Variants in DOCK3 observed in about 807,000 individuals in gnomAD.
DOCK3 encodes the protein dedicator of cytokinesis protein 3.
In DOCK3, 60 loss-of-function variants were observed where a neutral mutation model predicts 265.6. That is an observed-to-expected ratio of 0.23 (90% CI 0.18 to 0.28). The LOEUF (loss-of-function observed/expected upper bound fraction) is 0.28. DOCK3 is among the 10% of genes least tolerant of loss of function. The pLI is 1.00. For synonymous variants in DOCK3, 881 were observed against 938.0 expected, an observed-to-expected ratio of 0.94 and a Z score of 1.11; for missense variants, 1,981 against 2,594.3, an observed-to-expected ratio of 0.76 and a Z score of 5.14.
At chr3:50,919,534 C>T (rs112114973) in intron 4 of DOCK3, among the ~76,000 whole-genome samples, 1 of 152,100 alleles carries the variant, frequency 6.6e-6, no homozygotes, top group Non-Finnish European at 1.5e-5. Context: ...TGGGAGTTCA[C>T]TCATGATTTG....
chr3:51,197,520 T>A (rs1005537718), intron 12 of DOCK3, among the ~76,000 whole-genome samples: 2 of 152,098 alleles, frequency 1.3e-5, no homozygotes, highest in East Asian at 3.9e-4. Context: ...AGATGCCAGA[T>A]GAAGTGATAG....
At chr3:51,335,911 T>C (rs2084826048) in intron 35 of DOCK3, among the ~76,000 whole-genome samples, 1 of 151,266 alleles carries the variant, frequency 6.6e-6, no homozygotes, top group South Asian at 2.1e-4. Context: ...CGAATCACTT[T>C]AGCCGGGGAG....
At chr3:50,839,031 TG>T (rs965334804) in intron 2 of DOCK3, among the ~76,000 whole-genome samples, 2 of 152,212 alleles carry the variant, frequency 1.3e-5, no homozygotes, top group African/African-American at 4.8e-5. Flanking sequence ...TTGTCAGGGC[TG>T]GGGCAAGAGG....
chr3:50,913,073 A>G (rs561766482), intron 4 of DOCK3, among the ~76,000 whole-genome samples: 1 of 152,208 alleles, frequency 6.6e-6, no homozygotes, highest in East Asian at 1.9e-4. Context: ...ACCTGAAGGC[A>G]GCAGGTCTCA....
chr3:51,193,873 C>T (rs1464367560), intron 12 of DOCK3, among the ~76,000 whole-genome samples: 3 of 145,548 alleles, frequency 2.1e-5, no homozygotes, highest in African/African-American at 7.6e-5. Flanking sequence ...GAAGAACCAG[C>T]TTTTCTTTTT....
chr3:51,228,208 G>A (rs2090409813), intron 17 of DOCK3, 120 bp downstream of exon 17: 12 of 886,898 alleles, frequency 1.4e-5, no homozygotes, highest in Non-Finnish European at 2.1e-5. Flanking sequence ...AAGTGCACTG[G>A]TGGGTGACAG....
chr3:51,215,341 A>G (rs2089723127), intron 14 of DOCK3, among the ~76,000 whole-genome samples: 1 of 152,124 alleles, frequency 6.6e-6, no homozygotes, highest in African/African-American at 2.4e-5. Context: ...CCTGACCTCA[A>G]GTGATCCAGT....
intron 9 of DOCK3, among the ~76,000 whole-genome samples, chr3:51,101,137 G>A (rs1239819937): frequency 2.5e-5 from 3 of 117,806 alleles, no homozygotes; most frequent in African/African-American, 6.7e-5. Flanking sequence ...TTTTTGAGAC[G>A]GAGTCTCACT....
chr3:51,224,629 C>T (rs1463499699), intron 14 of DOCK3, among the ~76,000 whole-genome samples: 1 of 152,002 alleles, frequency 6.6e-6, no homozygotes, highest in African/African-American at 2.4e-5. Flanking sequence ...GTTTCATTAC[C>T]TCTCATTTGG....
At chr3:51,089,152 G>A (rs2082539019) in intron 7 of DOCK3, 91 bp from the exon 8 acceptor site, 2 of 1,262,234 alleles carry the variant, frequency 1.6e-6, no homozygotes, top group Non-Finnish European at 2.2e-6. Flanking sequence ...GAATATAAAA[G>A]GCATAGCAGA....
intron 5 of DOCK3, among the ~76,000 whole-genome samples, chr3:50,988,716 C>T (rs1320533048): frequency 1.3e-5 from 2 of 152,154 alleles, no homozygotes; most frequent in Non-Finnish European, 2.9e-5. Context: ...CCTCCAGGTA[C>T]TGGAAAATCC....
At chr3:50,983,204 C>T (rs976572671) in intron 5 of DOCK3, among the ~76,000 whole-genome samples, 7 of 152,078 alleles carry the variant, frequency 4.6e-5, no homozygotes, top group Non-Finnish European at 8.8e-5. Flanking sequence ...GGGCTGAGGG[C>T]GGCTCTGGTG....
chr3:51,264,861 T>TAAATAAATAAATAAA (rs1366976951), intron 23 of DOCK3, among the ~76,000 whole-genome samples: 2 of 150,844 alleles, frequency 1.3e-5, no homozygotes, highest in Admixed American at 6.6e-5. Context: ...AATAAATAAC[T>TAAATAAATAAATAAA]TAGATCAGAA....
chr3:51,180,168 A>T (rs2087198716), intron 12 of DOCK3, among the ~76,000 whole-genome samples: 1 of 144,494 alleles, frequency 6.9e-6, no homozygotes, highest in Admixed American at 7.3e-5. Flanking sequence ...AGATCACGCC[A>T]CTGTGCTCCA....
chr3:51,167,194 C>G (rs2086448903), intron 12 of DOCK3, among the ~76,000 whole-genome samples: 2 of 152,184 alleles, frequency 1.3e-5, no homozygotes, highest in South Asian at 4.1e-4. Flanking sequence ...GTTTTCCCAG[C>G]ATCACTTATT....
intron 9 of DOCK3, among the ~76,000 whole-genome samples, chr3:51,102,192 T>G (rs551228336): frequency 6.6e-6 from 1 of 152,322 alleles, no homozygotes; most frequent in South Asian, 2.1e-4. Flanking sequence ...GGTGTTTCTG[T>G]CAGAGCCAGA....
Position 51,355,043 on chromosome 3 carries a change from G to A in DOCK3, c.4249+20G>A, listed in dbSNP as rs1373757042. On this transcript the variant is annotated intron_variant, in intron 41 of 52. Coordinates refer to ENST00000266037, the MANE Select transcript of DOCK3 (RefSeq NM_004947.5). ...CCCAGTGTATCCTTTGATACTGGGT[G>A]GGAGGAGGAGGGCAGGGGCCCTGGG... 6.2e-7 allele frequency: 1 copy of A among 1,609,378 alleles called. No homozygotes were observed. Among genetic ancestry groups the A allele is most frequent in the Admixed American group, 1.7e-5 (1 of 59,630 alleles).
intron 27 of DOCK3, among the ~76,000 whole-genome samples, chr3:51,300,095 G>A (rs545406058): frequency 1.8e-3 from 272 of 152,262 alleles, no homozygotes; most frequent in Admixed American, 3.5e-3. Context: ...TCCTTGAGCA[G>A]TGGTTTGTAG....
At chr3:50,883,813 A>G (rs1449005507) in intron 3 of DOCK3, among the ~76,000 whole-genome samples, 2 of 152,228 alleles carry the variant, frequency 1.3e-5, no homozygotes, top group African/African-American at 2.4e-5. Flanking sequence ...TTTTACAAAC[A>G]TCACCATTAT....
Sources: allele counts gnomAD v4.1 joint callset (sites outside exome capture counted in the v4.1 genomes callset), GRCh38; gene constraint gnomAD v4.1.1; transcripts MANE v1.5; gene names NCBI Gene and HGNC (gene_info 2026-07-23, HGNC 2026-07-21).